Variants in HECW2 observed in about 807,000 individuals in gnomAD.
HECW2 encodes the protein E3 ubiquitin-protein ligase HECW2.
Under a neutral mutation model 175.2 loss-of-function variants are expected in HECW2, and 61 were observed. That is an observed-to-expected ratio of 0.35 (90% CI 0.28 to 0.43). HECW2 has a LOEUF of 0.43. Ranked by LOEUF, HECW2 falls within the 20% of genes least tolerant of loss-of-function variation. HECW2 has a pLI of 1.00. For missense variants in HECW2, 1,524 were observed against 2,000.5 expected, an observed-to-expected ratio of 0.76 and a Z score of 4.54; for synonymous variants, 671 against 731.0, an observed-to-expected ratio of 0.92 and a Z score of 1.32.
chr2:196,399,618 A>C (rs1297045846), intron 2 of HECW2, among the ~76,000 whole-genome samples: 3 of 152,218 alleles, frequency 2.0e-5, no homozygotes, highest in Non-Finnish European at 2.9e-5. Flanking sequence ...TACCCATCTG[A>C]CATAACCTGC....
At chr2:196,527,962 A>T (rs1174861072) in intron 1 of HECW2, among the ~76,000 whole-genome samples, 1 of 152,228 alleles carries the variant, frequency 6.6e-6, no homozygotes, top group African/African-American at 2.4e-5. Context: ...ATACAATGAT[A>T]ATGATTCCTT....
In HECW2 at chr2:196,306,773, T is replaced by C. The variant is rs143957108; in HGVS notation, c.2690-161A>G. On this transcript the variant is annotated intron_variant, in intron 12 of 28. Transcript: ENST00000644978. ...TTTTTCTTTGCTGTAAATTCATACA[T>C]AAAACATGGCTGTTCTTAATTACAC... is the stretch of plus-strand genomic sequence containing the variant. Among the ~76,000 whole-genome samples the C allele has an allele frequency of 1.1e-3, 164 of 152,340 alleles. 2 individuals are homozygous for C. The highest frequency in any genetic ancestry group is 3.8e-3 in the African/African-American group (157 of 41,582).
chr2:196,464,090 A>G (rs1696852709), intron 1 of HECW2, among the ~76,000 whole-genome samples: 1 of 151,780 alleles, frequency 6.6e-6, no homozygotes, highest in South Asian at 2.1e-4. Context: ...ATACATTAAA[A>G]TTGCTACCCA....
rs140871287 is a variant in HECW2, at chr2:196,574,015, C to CA, written c.-36+19492dup. On this transcript the variant is annotated intron_variant, in intron 1 of 28. Transcript: ENST00000644978. The stretch of plus-strand genomic sequence containing the variant: ...GGGTAATACAGTGGGATCCCCATTT[C>CA]AAAAAAAAAGTTCCAGGATACAAAA... 1.2e-4 allele frequency among the ~76,000 whole-genome samples: 18 copies of CA among 150,408 alleles called. No individual in the cohort carries two copies. In the East Asian group the frequency reaches 3.5e-3, roughly 29 times the overall value.
At position 196,564,954 on chromosome 2, in the gene HECW2, AT is replaced by A. The variant is rs11441092; in HGVS notation, c.-36+28553del. Among the ~76,000 whole-genome samples the A allele has an allele frequency of 3.4e-3, 493 of 145,170 alleles. 4 individuals carry two copies. The highest frequency in any genetic ancestry group is 0.011 in the South Asian group (52 of 4,614). On this transcript the variant is annotated intron_variant, in intron 1 of 28. Coordinates refer to ENST00000644978, the MANE Select transcript of HECW2 (RefSeq NM_001348768.2). ...AGTGGTAATTTGTTTCTATGCTTTG[AT>A]TTTTTTTTTTTTTTGAGGCAAGCAA...
At chr2:196,219,957 T>C in intron 26 of HECW2, 82 bp downstream of exon 26, 7 of 869,376 alleles carry the variant, frequency 8.1e-6, no homozygotes, top group Non-Finnish European at 1.3e-5. Context: ...CTGTTGCCTG[T>C]CCTATATTCA....
chr2:196,487,529 A>G (rs894998999), intron 1 of HECW2, among the ~76,000 whole-genome samples: 1 of 152,042 alleles, frequency 6.6e-6, no homozygotes, highest in African/African-American at 2.4e-5. Flanking sequence ...TTGAGACTTT[A>G]CCCCTGCCAT....
At chr2:196,324,761 G>A (rs975414181) in intron 6 of HECW2, among the ~76,000 whole-genome samples, 2 of 151,912 alleles carry the variant, frequency 1.3e-5, no homozygotes, top group African/African-American at 4.8e-5. Context: ...GAGTTTTTTG[G>A]AGGCTCCTTA....
chr2:196,364,823 A>G (rs1193717270), intron 2 of HECW2, among the ~76,000 whole-genome samples: 1 of 152,208 alleles, frequency 6.6e-6, no homozygotes, highest in Non-Finnish European at 1.5e-5. Flanking sequence ...CAGAGTATGG[A>G]TGGGCCATCA....
chr2:196,237,559 T>C (rs955527302), intron 21 of HECW2, among the ~76,000 whole-genome samples: 1 of 152,222 alleles, frequency 6.6e-6, no homozygotes, highest in African/African-American at 2.4e-5. Context: ...CCATGGTGTA[T>C]ATATATACCA....
At chr2:196,309,374 A>C (rs1355041954) in intron 10 of HECW2, among the ~76,000 whole-genome samples, 1 of 152,244 alleles carries the variant, frequency 6.6e-6, no homozygotes, top group Non-Finnish European at 1.5e-5. Context: ...AATGCCATTC[A>C]TGTTCCAAGG....
At chr2:196,402,200 CAAAAAAAAAAA>C (rs55851966) in intron 2 of HECW2, among the ~76,000 whole-genome samples, 5 of 70,388 alleles carry the variant, frequency 7.1e-5, no homozygotes, top group South Asian at 5.7e-4. Flanking sequence ...GACTCTGTCT[CAAAAAAAAAAA>C]AAAAAAAAAA....
At chr2:196,326,119 T>C (rs1362844390) in intron 5 of HECW2, among the ~76,000 whole-genome samples, 1 of 152,156 alleles carries the variant, frequency 6.6e-6, no homozygotes, top group East Asian at 1.9e-4. Context: ...CCCCTGAACC[T>C]CCAAAGACCT....
At chr2:196,306,406 A>G in intron 13 of HECW2, 82 bp downstream of exon 13, 1 of 1,349,186 alleles carries the variant, frequency 7.4e-7, no homozygotes, top group Middle Eastern at 2.0e-4. Flanking sequence ...CGCCATTATC[A>G]TTCCTGCTAT....
chr2:196,451,431 CAAA>C (rs1383013336), intron 1 of HECW2, among the ~76,000 whole-genome samples: 4 of 65,912 alleles, frequency 6.1e-5, no homozygotes, highest in Admixed American at 1.7e-4. Context: ...GACTCCGTCT[CAAA>C]AAAAAAAAAA....
chr2:196,572,582 T>C (rs1437266528), intron 1 of HECW2, among the ~76,000 whole-genome samples: 1 of 152,206 alleles, frequency 6.6e-6, no homozygotes, highest in Non-Finnish European at 1.5e-5. Context: ...TAGTTTAAGA[T>C]AGCAAATTTT....
chr2:196,517,083 C>T (rs1006021837), intron 1 of HECW2, among the ~76,000 whole-genome samples: 9 of 152,300 alleles, frequency 5.9e-5, no homozygotes, highest in East Asian at 1.9e-4. Flanking sequence ...GTCCTGATGG[C>T]GGGACAAGCC....
chr2:196,230,591 A>C (rs906473942), intron 21 of HECW2, among the ~76,000 whole-genome samples: 2 of 152,068 alleles, frequency 1.3e-5, no homozygotes, highest in African/African-American at 4.8e-5. Flanking sequence ...TAAAGACTTG[A>C]TCGTAACACT....
intron 17 of HECW2, among the ~76,000 whole-genome samples, chr2:196,260,688 G>C (rs1244617024): frequency 6.6e-6 from 1 of 152,212 alleles, no homozygotes; most frequent in Non-Finnish European, 1.5e-5. Context: ...CCTGTAAAGA[G>C]AGCAGATCAA....
Sources: allele counts gnomAD v4.1 joint callset (sites outside exome capture counted in the v4.1 genomes callset), GRCh38; gene constraint gnomAD v4.1.1; transcripts MANE v1.5; gene names NCBI Gene and HGNC (gene_info 2026-07-23, HGNC 2026-07-21).